SCFD2: variants seen among roughly 807,000 people sequenced by gnomAD.
SCFD2 encodes sec1 family domain-containing protein 2.
In SCFD2, 54 loss-of-function variants were observed where a neutral mutation model predicts 58.9. The ratio of observed to expected loss-of-function variants is 0.92; its 90% CI spans 0.74 to 1.15. The LOEUF (loss-of-function observed/expected upper bound fraction) is 1.15. SCFD2 is among the 50% of genes most tolerant of loss of function. The pLI, the probability that SCFD2 is intolerant of heterozygous loss-of-function variation, is 0.00. For synonymous variants in SCFD2, 321 were observed against 335.9 expected, an observed-to-expected ratio of 0.96 and a Z score of 0.49; for missense variants, 805 against 836.6, an observed-to-expected ratio of 0.96 and a Z score of 0.47.
chr4:53,205,452 G>C (rs750630147), intron 4 of SCFD2, among the ~76,000 whole-genome samples: 2 of 152,022 alleles, frequency 1.3e-5, no homozygotes, highest in African/African-American at 2.4e-5. Flanking sequence ...ATGAGAACTG[G>C]AATTCCTAAG....
At chr4:52,988,474 C>G (rs1162578504) in intron 5 of SCFD2, among the ~76,000 whole-genome samples, 2 of 152,084 alleles carry the variant, frequency 1.3e-5, no homozygotes, top group African/African-American at 4.8e-5. Flanking sequence ...TCCTTGGGCT[C>G]CAGAAAGGCT....
chr4:53,109,340 C>T (rs1725100277), intron 5 of SCFD2, among the ~76,000 whole-genome samples: 1 of 152,106 alleles, frequency 6.6e-6, no homozygotes, highest in South Asian at 2.1e-4. Context: ...CACTCCTATT[C>T]AACATAATAT....
chr4:53,294,129 A>C (rs990680581), intron 3 of SCFD2, among the ~76,000 whole-genome samples: 2 of 152,092 alleles, frequency 1.3e-5, no homozygotes, highest in African/African-American at 4.8e-5. Flanking sequence ...TTTACAGTAG[A>C]ATAATTTATA....
At position 53,242,129 on chromosome 4, in the gene SCFD2, A is replaced by G. The variant is rs1560405917; in HGVS notation, c.1311+31697T>C. Among the ~76,000 whole-genome samples the G allele has an allele frequency of 2.0e-5, 3 of 152,374 alleles. No individual in the cohort carries two copies. In the East Asian group the frequency reaches 5.8e-4, roughly 29 times the overall value. On this transcript the variant is annotated intron_variant, in intron 4 of 8. Transcript: ENST00000401642. ...ATCCTGCCGCAGCTGACAAGCATGT[A>G]GCCTGCTGCACTGCTGCAGCTAGTG... is the stretch of plus-strand genomic sequence containing the variant.
At chr4:53,090,845 C>A (rs778632763) in intron 5 of SCFD2, among the ~76,000 whole-genome samples, 1 of 152,110 alleles carries the variant, frequency 6.6e-6, no homozygotes, top group Non-Finnish European at 1.5e-5. Context: ...TCACACCACC[C>A]CTATGGGATA....
At chr4:53,253,482 A>G (rs900047337) in intron 4 of SCFD2, among the ~76,000 whole-genome samples, 16 of 152,242 alleles carry the variant, frequency 1.1e-4, no homozygotes, top group African/African-American at 3.9e-4. Flanking sequence ...AAGACTTGAA[A>G]CCATCCCAAA....
intron 2 of SCFD2, among the ~76,000 whole-genome samples, chr4:53,321,898 G>A (rs1733036632): frequency 6.6e-6 from 1 of 152,154 alleles, no homozygotes. Context: ...TCTGTGAGCT[G>A]GGCATGGATG....
intron 4 of SCFD2, among the ~76,000 whole-genome samples, chr4:53,272,805 GTAAC>G (rs1176096655): frequency 6.6e-6 from 1 of 152,044 alleles, no homozygotes; most frequent in African/African-American, 2.4e-5. Flanking sequence ...GTATACATAT[GTAAC>G]TAACCTGCAC....
chr4:53,273,823 T>C lies in SCFD2; in HGVS notation c.1311+3A>G, dbSNP rs1731248888. The C allele has an allele frequency of 3.7e-6, 6 of 1,610,268 alleles. No homozygotes were observed. Among genetic ancestry groups the C allele is most frequent in the Non-Finnish European group, 5.1e-6 (6 of 1,178,352 alleles). ...ATCCCACGAGGTTCCCATAGCAACA[T>C]ACCTGAAGAAGGAGCCTTTCAAAAG... is the stretch of plus-strand genomic sequence containing the variant. On this transcript the variant is annotated splice_donor_region_variant and intron_variant, in intron 4 of 8. Coordinates refer to ENST00000401642, the MANE Select transcript of SCFD2 (RefSeq NM_152540.4).
chr4:53,114,438 G>C (rs571262271), intron 5 of SCFD2, among the ~76,000 whole-genome samples: 2 of 152,198 alleles, frequency 1.3e-5, no homozygotes, highest in African/African-American at 4.8e-5. Flanking sequence ...ACCATACTTT[G>C]AAGTCTCAGT....
intron 6 of SCFD2, among the ~76,000 whole-genome samples, chr4:52,914,838 G>A (rs998352987): frequency 4.0e-5 from 6 of 151,842 alleles, no homozygotes; most frequent in Non-Finnish European, 5.9e-5. Flanking sequence ...AGGTCATATC[G>A]TGGCCCTGTA....
chr4:53,218,453 ATTCGTCACATGG>A (rs1188660284), intron 4 of SCFD2, among the ~76,000 whole-genome samples: 1 of 152,112 alleles, frequency 6.6e-6, no homozygotes, highest in Non-Finnish European at 1.5e-5. Flanking sequence ...AAGCTTGTGC[ATTCGTCACATGG>A]TTCTCATGTC....
chr4:53,028,249 A>AAAAT (rs537563080), intron 5 of SCFD2, among the ~76,000 whole-genome samples: 2,095 of 152,270 alleles, frequency 0.014, 21 homozygotes, highest in Middle Eastern at 0.037. Context: ...CCTGTCTCAA[A>AAAAT]AAATAAATAA....
At chr4:53,044,380 G>C (rs984433301) in intron 5 of SCFD2, among the ~76,000 whole-genome samples, 2 of 151,516 alleles carry the variant, frequency 1.3e-5, no homozygotes, top group Non-Finnish European at 2.9e-5. Flanking sequence ...CCTTTATCTC[G>C]TCCTCCCACC....
chr4:53,315,737 A>G (rs1404217351), intron 2 of SCFD2, among the ~76,000 whole-genome samples: 1 of 152,186 alleles, frequency 6.6e-6, no homozygotes, highest in Admixed American at 6.5e-5. Flanking sequence ...ATATCTCTCC[A>G]CAAAACACAG....
intron 3 of SCFD2, among the ~76,000 whole-genome samples, chr4:53,293,031 CA>C (rs1193380561): frequency 1.1e-4 from 17 of 148,272 alleles, no homozygotes; most frequent in Admixed American, 6.7e-5. Context: ...GAACTTAAAG[CA>C]AAATAAAAAA....
chr4:52,883,544 T>A (rs1313091196), intron 8 of SCFD2, among the ~76,000 whole-genome samples: 1 of 152,202 alleles, frequency 6.6e-6, no homozygotes, highest in Non-Finnish European at 1.5e-5. Context: ...AAAGTCACTG[T>A]AGATTCCGGG....
intron 5 of SCFD2, among the ~76,000 whole-genome samples, chr4:52,942,761 G>A (rs957024122): frequency 4.6e-5 from 7 of 152,140 alleles, no homozygotes; most frequent in Non-Finnish European, 1.0e-4. Context: ...AAGGTCCAGG[G>A]AGAAAGTATT....
intron 7 of SCFD2, among the ~76,000 whole-genome samples, chr4:52,889,005 C>T (rs1489083862): frequency 2.0e-5 from 3 of 152,202 alleles, no homozygotes; most frequent in Non-Finnish European, 4.4e-5. Context: ...TTTCTAACAG[C>T]ATCACCACCT....
Sources: allele counts gnomAD v4.1 joint callset (sites outside exome capture counted in the v4.1 genomes callset), GRCh38; gene constraint gnomAD v4.1.1; transcripts MANE v1.5; gene names NCBI Gene and HGNC (gene_info 2026-07-23, HGNC 2026-07-21).